The following RSL1D1 variants were observed in gnomAD, a reference collection of about 807,000 sequenced individuals.
RSL1D1 encodes the protein ribosomal L1 domain-containing protein 1.
In RSL1D1, 34 loss-of-function variants were observed where a neutral mutation model predicts 44.6. The ratio of observed to expected loss-of-function variants is 0.76; its 90% CI spans 0.58 to 1.02. RSL1D1 has a LOEUF of 1.02. Among genes scored for constraint, RSL1D1 ranks in the 50% least tolerant of loss-of-function variants. RSL1D1 has a pLI of 0.00. For missense variants in RSL1D1, 767 were observed against 568.1 expected (o/e 1.35, Z -3.56); for synonymous variants, 271 against 207.4 (o/e 1.31, Z -2.63).
At chr16:11,847,605 T>A (rs2053808088) in intron 3 of RSL1D1, 63 bp downstream of exon 3, 1 of 1,337,590 alleles carries the variant, frequency 7.5e-7, no homozygotes, top group African/African-American at 1.5e-5. Flanking sequence ...AATGTATTTG[T>A]GATACCATTT....
In RSL1D1 at chr16:11,851,501, C is replaced by T. The variant is rs375967891; in HGVS notation, c.12G>A (p.Ser4=). The T allele has an allele frequency of 6.2e-7, 1 of 1,613,676 alleles. No homozygotes were observed. Among genetic ancestry groups the T allele is most frequent in the Non-Finnish European group, 8.5e-7 (1 of 1,179,910 alleles). Residue 4 remains serine (S), a synonymous_variant, in exon 1 of 9, where the codon TCG becomes TCA. Coordinates refer to ENST00000571133, the MANE Select transcript of RSL1D1 (RefSeq NM_015659.3). The part of the protein sequence containing the change: MED[S]ASASLSSAAA... ...CTGCAGAAGACAGCGAGGCCGAGGC[C>T]GAATCCTCCATCTTGTTTCCACCTC...
rs879846525 is a variant in RSL1D1, at chr16:11,834,793, A to G, written c.*2994T>C. ...TTTTAGATGCTTTCATAATTTAAAA[A>G]GTTAACATTACAATTTGTGTTACTA... On this transcript the variant is annotated 3_prime_UTR_variant, in exon 9 of 9. Coordinates refer to ENST00000571133, the MANE Select transcript of RSL1D1 (RefSeq NM_015659.3). The G allele has an allele frequency of 5.9e-5, 9 of 152,242 alleles. No individual in the cohort carries two copies. The highest frequency in any genetic ancestry group is 1.3e-4 in the Non-Finnish European group (9 of 68,048). The allele number at this position is 152,242 out of a possible 1,614,324, so 9.4% of individuals were successfully genotyped here.
chr16:11,839,150 G>A (rs2053744440), intron 8 of RSL1D1, among the ~76,000 whole-genome samples: 1 of 151,576 alleles, frequency 6.6e-6, no homozygotes, highest in South Asian at 2.1e-4. Flanking sequence ...CGGATCACCT[G>A]AGGCCAGGAG....
intron 2 of RSL1D1, among the ~76,000 whole-genome samples, chr16:11,849,901 G>C (rs1458289362): frequency 6.6e-6 from 1 of 151,814 alleles, no homozygotes; most frequent in East Asian, 1.9e-4. Flanking sequence ...GCCTAGGCTG[G>C]AGTGCAATGG....
At chr16:11,844,990 T>G (rs2053787651) in intron 5 of RSL1D1, among the ~76,000 whole-genome samples, 1 of 152,150 alleles carries the variant, frequency 6.6e-6, no homozygotes, top group Non-Finnish European at 1.5e-5. Flanking sequence ...TAGGTAAGAC[T>G]AGGTGTGGGG....
rs530673257 is a variant in RSL1D1 at position 11,843,625 on chromosome 16, T to G, written c.636-1625A>C. 5.3e-5 allele frequency among the ~76,000 whole-genome samples: 8 copies of G among 151,656 alleles called. No individual in the cohort carries two copies. In the South Asian group the frequency reaches 1.7e-3, roughly 32 times the overall value. ...GGCTCACGCCTGTAATCCCAGCACG[T>G]TGGGAGGCCAAGGTGGGCAGATCAC... On this transcript the variant is annotated intron_variant, in intron 5 of 8. Transcript: ENST00000571133.
chr16:11,846,188 C>T (rs1207642035), intron 5 of RSL1D1, among the ~76,000 whole-genome samples: 3 of 151,260 alleles, frequency 2.0e-5, no homozygotes, highest in East Asian at 2.0e-4. Context: ...GTCAGGAGAT[C>T]GAGATCATCC....
intron 8 of RSL1D1, among the ~76,000 whole-genome samples, chr16:11,838,856 C>CAAAAAA (rs760015457): frequency 2.8e-4 from 23 of 82,314 alleles, no homozygotes; most frequent in African/African-American, 9.1e-4. Context: ...GACCTTGTCT[C>CAAAAAA]AAAAAAAAAA....
At chr16:11,844,754 A>C (rs577644053) in intron 5 of RSL1D1, among the ~76,000 whole-genome samples, 35 of 152,342 alleles carry the variant, frequency 2.3e-4, no homozygotes, top group Non-Finnish European at 4.3e-4. Context: ...AGTGGCCTAC[A>C]GCTCTGCCTT....
intron 7 of RSL1D1, among the ~76,000 whole-genome samples, chr16:11,840,499 G>A (rs1006783527): frequency 5.9e-5 from 9 of 152,084 alleles, no homozygotes; most frequent in South Asian, 2.1e-4. Context: ...CCTGGAAGGC[G>A]GGGGGTTGTA....
At chr16:11,843,431 G>C (rs1231632588) in intron 5 of RSL1D1, among the ~76,000 whole-genome samples, 2 of 152,008 alleles carry the variant, frequency 1.3e-5, no homozygotes, top group East Asian at 1.9e-4. Context: ...TGGGAGGCAG[G>C]GCCAGAGGAG....
chr16:11,848,161 G>A (rs952493154), intron 2 of RSL1D1, among the ~76,000 whole-genome samples: 4 of 152,128 alleles, frequency 2.6e-5, no homozygotes, highest in African/African-American at 4.8e-5. Flanking sequence ...TCTGAGGCAG[G>A]ATAATCGCTT....
chr16:11,850,996 G>A (rs552444774), intron 1 of RSL1D1: 166 of 265,400 alleles, frequency 6.3e-4, no homozygotes, highest in African/African-American at 3.7e-3. Flanking sequence ...GGCCTACTGA[G>A]CACCTTCTTA....
chr16:11,838,634 A>G (rs1169226152), intron 8 of RSL1D1, among the ~76,000 whole-genome samples: 1 of 151,740 alleles, frequency 6.6e-6, no homozygotes, highest in African/African-American at 2.4e-5. Context: ...AGGCAGGTGG[A>G]TTACTTGAGG....
chr16:11,846,918 T>A, intron 3 of RSL1D1, 75 bp from the exon 4 acceptor site: 1 of 1,286,710 alleles, frequency 7.8e-7, no homozygotes, highest in Non-Finnish European at 1.1e-6. Context: ...AGGCAACAAT[T>A]TGGATTTGGA....
chr16:11,839,412 A>C (rs1468166514), intron 8 of RSL1D1, among the ~76,000 whole-genome samples: 1 of 146,674 alleles, frequency 6.8e-6, no homozygotes, highest in Non-Finnish European at 1.5e-5. Context: ...ACCGGTTGGG[A>C]CTAGGTGTGG....
chr16:11,838,915 G>A (rs2053742011), intron 8 of RSL1D1, among the ~76,000 whole-genome samples: 1 of 151,220 alleles, frequency 6.6e-6, no homozygotes, highest in Non-Finnish European at 1.5e-5. Flanking sequence ...TCCAATCAGA[G>A]GAAAACCACC....
rs34129214 is a variant in RSL1D1 at position 11,842,922 on chromosome 16, A to AT, written c.636-923dup. ...AGGCGCATGCCACCACGCCCAGCTA[A>AT]TTTTTTTTTTTTTTTTTTGAGATGC... On this transcript the variant is annotated intron_variant, in intron 5 of 8. Transcript: ENST00000571133. Among the ~76,000 whole-genome samples the AT allele has an allele frequency of 6.6e-3, 705 of 106,760 alleles. 7 individuals are homozygous for AT. Among genetic ancestry groups the AT allele is most frequent in the East Asian group, 0.029 (120 of 4,204 alleles). The allele number at this position is 106,760 out of a possible 152,430, so 70.0% of individuals were successfully genotyped here.
intron 2 of RSL1D1, 52 bp downstream of exon 2, chr16:11,850,227 C>G: frequency 6.7e-7 from 1 of 1,499,710 alleles, no homozygotes. Flanking sequence ...GTTCGAGTTA[C>G]AAAGAATAAA....
Sources: allele counts gnomAD v4.1 joint callset (sites outside exome capture counted in the v4.1 genomes callset), GRCh38; gene constraint gnomAD v4.1.1; transcripts MANE v1.5; gene names NCBI Gene and HGNC (gene_info 2026-07-23, HGNC 2026-07-21).